The following EPHB1 variants were observed in gnomAD, a reference collection of about 807,000 sequenced individuals.
EPHB1 encodes EPH receptor B1, also known as ephrin type-B receptor 1.
Under a neutral mutation model 94.4 loss-of-function variants are expected in EPHB1, and 30 were observed. The observed-to-expected ratio is 0.32, with a 90% CI of 0.24 to 0.43. The LOEUF is 0.43. EPHB1 is among the 20% of genes least tolerant of loss of function. EPHB1 has a pLI of 1.00. For synonymous variants in EPHB1, 522 were observed against 489.1 expected, an observed-to-expected ratio of 1.07 and a Z score of -0.89; for missense variants, 1,055 against 1,308.3, an observed-to-expected ratio of 0.81 and a Z score of 2.99.
At position 135,241,240 on chromosome 3, in the gene EPHB1, C is replaced by G. The variant is rs1345682876; in HGVS notation, c.2439C>G (p.Val813=). 3 of 1,614,064 alleles carry G rather than the reference C, an allele frequency of 1.9e-6. No individual in the cohort carries two copies. Among genetic ancestry groups the G allele is most frequent in the South Asian group, 1.1e-5 (1 of 91,086 alleles). The change falls in exon 13 of 16, where the codon GTC becomes GTG. Residue 813 remains valine (V), a synonymous_variant. Transcript: ENST00000398015. ...GCGACGTTTGGAGCTATGGGATCGTCATGTGGGAAGTCATGTCATTTGGAG... is the reference window on the plus strand; with the variant it reads ...GCGACGTTTGGAGCTATGGGATCGTGATGTGGGAAGTCATGTCATTTGGAG... ...SASDVWSYGI[V]MWEVMSFGER...
chr3:135,238,245 A>G (rs1271723813), intron 12 of EPHB1, among the ~76,000 whole-genome samples: 2 of 152,184 alleles, frequency 1.3e-5, no homozygotes, highest in Admixed American at 6.5e-5. Context: ...CTCCCAAGTC[A>G]GTGTCCCCCT....
Position 135,179,724 on chromosome 3 carries a change from G to T in EPHB1, c.1760-136G>T. 4 of 932,790 alleles carry T rather than the reference G, an allele frequency of 4.3e-6. No individual in the cohort carries two copies. The South Asian group carries it at 6.5e-5, about 15-fold the overall frequency. The allele number at this position is 932,790 out of a possible 1,614,324, so 57.8% of individuals were successfully genotyped here. ...ATGAGGAGGCCCAGCAAGAGGAGGA[G>T]AGGCAGAGAAAAGTTGCAGCCTGGT... is the stretch of plus-strand genomic sequence containing the variant. On this transcript the variant is annotated intron_variant, in intron 9 of 15. Coordinates refer to ENST00000398015, the MANE Select transcript of EPHB1 (RefSeq NM_004441.5).
chr3:135,084,388 T>A (rs1201353917), intron 3 of EPHB1, among the ~76,000 whole-genome samples: 1 of 152,136 alleles, frequency 6.6e-6, no homozygotes, highest in Non-Finnish European at 1.5e-5. Flanking sequence ...ATGGTTAGAT[T>A]AGCCTCGTGG....
intron 3 of EPHB1, among the ~76,000 whole-genome samples, chr3:135,024,920 A>G (rs1936097671): frequency 6.6e-6 from 1 of 151,558 alleles, no homozygotes; most frequent in South Asian, 2.1e-4. Context: ...TTCTTCTCTT[A>G]TTTTGCTAAT....
intron 4 of EPHB1, among the ~76,000 whole-genome samples, chr3:135,113,304 C>T (rs1219232689): frequency 1.3e-5 from 2 of 152,238 alleles, no homozygotes; most frequent in Non-Finnish European, 1.5e-5. Flanking sequence ...TTTCACACTT[C>T]TGTAATCTAC....
intron 2 of EPHB1, among the ~76,000 whole-genome samples, chr3:134,935,954 CCCATTTCCAAAGTT>C (rs2038993524): frequency 6.6e-6 from 1 of 152,192 alleles, no homozygotes; most frequent in Non-Finnish European, 1.5e-5. Context: ...TGGCATCTCT[CCCATTTCCAAAGTT>C]CCATTTCCAA....
chr3:135,215,620 A>G lies in EPHB1; in HGVS notation c.2346+13931A>G, dbSNP rs751556197. On this transcript the variant is annotated intron_variant, in intron 12 of 15. Transcript: ENST00000398015. ...TTGAGGACCTCGTGGCAGGATCACCATGGGAAAATTCTGAGGAAACCCTGT... is the reference window on the plus strand; with the variant it reads ...TTGAGGACCTCGTGGCAGGATCACCGTGGGAAAATTCTGAGGAAACCCTGT... 5.2e-4 allele frequency among the ~76,000 whole-genome samples: 79 copies of G among 152,244 alleles called. 2 individuals carry two copies. The highest frequency in any genetic ancestry group is 1.2e-4 in the Non-Finnish European group (8 of 68,032).
chr3:135,225,032 G>A (rs1943360935), intron 12 of EPHB1, among the ~76,000 whole-genome samples: 1 of 152,132 alleles, frequency 6.6e-6, no homozygotes, highest in Admixed American at 6.5e-5. Context: ...ATTTACTTGA[G>A]GGGAGGGGAG....
chr3:135,085,739 C>T (rs1203686008), intron 3 of EPHB1, among the ~76,000 whole-genome samples: 2 of 152,202 alleles, frequency 1.3e-5, no homozygotes, highest in African/African-American at 4.8e-5. Context: ...CTCTGTCTTT[C>T]CCAGGTGACT....
intron 12 of EPHB1, 140 bp downstream of exon 12, chr3:135,201,829 A>G (rs1314196281): frequency 2.5e-6 from 2 of 811,470 alleles, no homozygotes; most frequent in East Asian, 5.4e-5. Context: ...AGATGCCAGG[A>G]GGACCATCCA....
chr3:135,131,484 G>A (rs866922556), intron 4 of EPHB1, among the ~76,000 whole-genome samples: 5 of 152,120 alleles, frequency 3.3e-5, no homozygotes, highest in Admixed American at 1.3e-4. Flanking sequence ...TATCTGAAGC[G>A]GCTGCTCCAG....
intron 1 of EPHB1, among the ~76,000 whole-genome samples, chr3:134,858,216 G>A (rs951008487): frequency 5.3e-5 from 8 of 151,784 alleles, no homozygotes; most frequent in Non-Finnish European, 1.0e-4. Flanking sequence ...TCTCCAGAAT[G>A]CTCCTGTAGG....
intron 2 of EPHB1, among the ~76,000 whole-genome samples, chr3:134,949,520 A>T (rs921581798): frequency 6.6e-6 from 1 of 152,096 alleles, no homozygotes; most frequent in Non-Finnish European, 1.5e-5. Flanking sequence ...CCTTGCAAGG[A>T]GCAATTGCAG....
At chr3:135,008,039 T>C (rs1005192951) in intron 3 of EPHB1, among the ~76,000 whole-genome samples, 4 of 151,982 alleles carry the variant, frequency 2.6e-5, no homozygotes. Context: ...TCAGGACAAC[T>C]GAGATTGTGG....
intron 3 of EPHB1, among the ~76,000 whole-genome samples, chr3:135,016,400 C>T (rs774056894): frequency 3.3e-5 from 5 of 152,188 alleles, no homozygotes; most frequent in Non-Finnish European, 5.9e-5. Context: ...GAAACAAGCT[C>T]AGGCTGAAGT....
chr3:135,113,170 C>T (rs1224520300), intron 4 of EPHB1, among the ~76,000 whole-genome samples: 2 of 152,236 alleles, frequency 1.3e-5, no homozygotes, highest in African/African-American at 2.4e-5. Flanking sequence ...CTGGCCCCCG[C>T]CCCATGCTGG....
intron 1 of EPHB1, among the ~76,000 whole-genome samples, chr3:134,920,450 G>A (rs1365907860): frequency 2.0e-5 from 3 of 152,154 alleles, no homozygotes; most frequent in East Asian, 1.9e-4. Context: ...ATGACTGTAC[G>A]GTGGCGCTAG....
In EPHB1 at chr3:135,259,108, G is replaced by A. The variant is rs16842880; in HGVS notation, c.2943G>A (p.Thr981=). 3,654 of 1,607,914 alleles carry A rather than the reference G, an allele frequency of 2.3e-3. 70 individuals carry two copies. The African/African-American group carries it at 0.044, about 19-fold the overall frequency. The change falls in exon 16 of 16, where the codon ACG becomes ACA. Residue 981 remains threonine (T), a synonymous_variant. Transcript: ENST00000398015. ...SMRVQISQSP[T]AMA Reference sequence around the variant, plus strand: ...GGGTCCAGATAAGTCAGTCACCAACGGCAATGGCATGAGAACTCTTGTTTC... The same window carrying A: ...GGGTCCAGATAAGTCAGTCACCAACAGCAATGGCATGAGAACTCTTGTTTC...
At chr3:134,883,347 T>G (rs143923254) in intron 1 of EPHB1, among the ~76,000 whole-genome samples, 3 of 152,132 alleles carry the variant, frequency 2.0e-5, no homozygotes, top group African/African-American at 4.8e-5. Context: ...GAGCCCCTCA[T>G]GCAGAGTTTA....
Sources: gnomAD v4.1 joint callset for allele counts (sites outside exome capture counted in the v4.1 genomes callset) on GRCh38, gnomAD v4.1.1 for gene constraint, MANE v1.5 for transcripts, NCBI Gene and HGNC (gene_info 2026-07-23, HGNC 2026-07-21) for gene names.